The following PLPP2 variants were observed in gnomAD, a reference collection of about 807,000 sequenced individuals.
The protein encoded by PLPP2 is phospholipid phosphatase 2.
Under a neutral mutation model 35.2 loss-of-function variants are expected in PLPP2, and 29 were observed. That is an observed-to-expected ratio of 0.82 (90% CI 0.61 to 1.12). The LOEUF is 1.12. Among genes scored for constraint, PLPP2 ranks in the 50% most tolerant of loss-of-function variants. PLPP2 has a pLI of 0.00. For synonymous variants in PLPP2, 162 were observed against 167.0 expected (o/e 0.97, Z 0.23); for missense variants, 353 against 375.2 (o/e 0.94, Z 0.49).
At chr19:290,463 C>T (rs956389017) in intron 1 of PLPP2, among the ~76,000 whole-genome samples, 4 of 152,208 alleles carry the variant, frequency 2.6e-5, no homozygotes, top group Admixed American at 1.3e-4. Context: ...AAAAAAGGGT[C>T]TCCTTCCGGA....
At chr19:282,641 C>T in intron 4 of PLPP2, 111 bp downstream of exon 4, 3 of 1,172,790 alleles carry the variant, frequency 2.6e-6, no homozygotes, top group Non-Finnish European at 3.7e-6. Context: ...CAGTTAGCCC[C>T]CCTCACCACC....
chr19:283,860 ATC>A (rs1438808313), intron 3 of PLPP2: 2 of 152,178 alleles, frequency 1.3e-5, no homozygotes, highest in Non-Finnish European at 2.9e-5. Flanking sequence ...GTTTAAGGAA[ATC>A]TCTGTCCTAT....
Position 281,455 on chromosome 19 carries a change from A to G in PLPP2, c.800T>C (p.Leu267Pro). The G allele has an allele frequency of 1.3e-6, 2 of 1,562,160 alleles. No homozygotes were observed. Among genetic ancestry groups the G allele is most frequent in the African/African-American group, 1.4e-5 (1 of 72,928 alleles). The change falls in exon 6 of 6, where the codon CTG becomes CCG. Residue 267 changes from leucine (L) to proline (P), a missense_variant. Leu to Pro is a moderately conservative substitution (Grantham distance 98, BLOSUM62 -3). Coordinates refer to ENST00000434325, the MANE Select transcript of PLPP2 (RefSeq NM_003712.4). Reference protein sequence around the residue: ...KEEELERKPSLSLTLTLGEAD... With the variant: ...KEEELERKPSPSLTLTLGEAD... ...CTCGCCCAGGGTCAACGTCAGTGAC[A>G]GGCTGGGCTTCCGTTCCAGCTCCTC... is the stretch of plus-strand genomic sequence containing the variant.
intron 3 of PLPP2, chr19:283,138 C>T (rs974147982): frequency 2.2e-5 from 6 of 272,530 alleles, no homozygotes; most frequent in Non-Finnish European, 4.1e-5. Flanking sequence ...CTCCCATCTG[C>T]GGAACTGAGG....
At chr19:288,194 G>C in intron 1 of PLPP2, 23 bp from the exon 2 acceptor site, 1 of 1,551,516 alleles carries the variant, frequency 6.4e-7, no homozygotes, top group Non-Finnish European at 8.7e-7. Context: ...AAAAGCCTGG[G>C]AGCTGTGAGG....
In PLPP2 at chr19:287,196, T is replaced by C. The variant is rs1442369214; in HGVS notation, c.482+278A>G. 7.8e-6 allele frequency: 3 copies of C among 383,016 alleles called. No individual in the cohort carries two copies. The highest frequency in any genetic ancestry group is 9.4e-6 in the Non-Finnish European group (2 of 212,034). 23.7% of individuals were successfully genotyped at this position (383,016 alleles called of 1,614,324 possible). On this transcript the variant is annotated intron_variant, in intron 3 of 5. Coordinates refer to ENST00000434325, the MANE Select transcript of PLPP2 (RefSeq NM_003712.4). The surrounding 1 kb of genome is among the most constrained non-coding windows in gnomAD (Gnocchi z 4.3). ...AAAACTCATATATCTCATTCTATGA[T>C]GATGAAATGGTCAATCTTTCAAAAA...
intron 5 of PLPP2, chr19:281,863 G>T: frequency 2.0e-6 from 1 of 504,324 alleles, no homozygotes; most frequent in South Asian, 2.5e-5. Context: ...ACTGGGATTG[G>T]GGGGAAGGGG....
In PLPP2 at chr19:291,323, C is replaced by T; in HGVS notation, c.14G>A (p.Trp5Ter). The T allele has an allele frequency of 6.3e-7, 1 of 1,597,932 alleles. No homozygotes were observed. The highest frequency in any genetic ancestry group is 8.5e-7 in the Non-Finnish European group (1 of 1,173,774). Residue 5 changes from tryptophan (W) to a stop codon, truncating the protein, a stop_gained, in exon 1 of 6, where the codon TGG becomes TAG. Transcript: ENST00000434325. LOFTEE classifies it high-confidence loss of function. MQRR[W>*]VFVLLDVLCL... ...CAGCACGTCGAGCAGCACGAAGACCCACCTCCGCTGCATGGTCCCCGCGAC... is the reference window on the plus strand; with the variant it reads ...CAGCACGTCGAGCAGCACGAAGACCTACCTCCGCTGCATGGTCCCCGCGAC...
intron 1 of PLPP2, 48 bp from the exon 2 acceptor site, chr19:288,219 G>C: frequency 2.6e-6 from 4 of 1,532,534 alleles, no homozygotes; most frequent in Non-Finnish European, 3.5e-6. Context: ...CTCACCAGCT[G>C]GGCCTTGGGG....
rs747867943 is a variant in PLPP2 at position 282,807 on chromosome 19, AAC to A, written c.483_484del (p.Arg161SerfsTer56). The A allele has an allele frequency of 1.8e-5, 29 of 1,613,540 alleles. No individual in the cohort carries two copies. The highest frequency in any genetic ancestry group is 2.5e-5 in the Non-Finnish European group (29 of 1,179,714). ...GGAAGAGTGTCCCGAGTAGAAAGAC[AAC>A]CTGAGGAAGGAGAAGGGGCAGGTGG... On this transcript the variant is annotated frameshift_variant and splice_region_variant, in exon 4 of 6. Coordinates refer to ENST00000434325, the MANE Select transcript of PLPP2 (RefSeq NM_003712.4). LOFTEE classifies it high-confidence loss of function.
At position 287,956 on chromosome 19, in the gene PLPP2, C is replaced by A; in HGVS notation, c.204+64G>T. 6.6e-7 allele frequency: 1 copy of A among 1,520,690 alleles called. No individual in the cohort carries two copies. The highest frequency in any genetic ancestry group is 1.2e-5 in the South Asian group (1 of 85,646). The allele number at this position is 1,520,690 out of a possible 1,614,324, so 94.2% of individuals were successfully genotyped here. A position where few individuals can be genotyped will look rare whatever the true frequency, so the allele number is the denominator to read the frequency against. ...GGCTGTGCCACCCCCCCATCAGGCC[C>A]CCAGGGTAAAGCTGGCCCCACCCCA... On this transcript the variant is annotated intron_variant, in intron 2 of 5. Transcript: ENST00000434325. The surrounding 1 kb of genome is among the most constrained non-coding windows in gnomAD (Gnocchi z 4.3).
rs116026115 is a variant in PLPP2 at position 290,841 on chromosome 19, G to A, written c.52+444C>T. 3.6e-5 allele frequency: 34 copies of A among 935,620 alleles called. No homozygotes were observed. The African/African-American group carries it at 4.8e-4, about 13-fold the overall frequency. The allele number at this position is 935,620 out of a possible 1,614,324, so 58.0% of individuals were successfully genotyped here. A position where few individuals can be genotyped will look rare whatever the true frequency, so the allele number is the denominator to read the frequency against. ...CCGACGCACCGGGTGCCAGGACCGA[G>A]GGTCAGCCCTCTCCGCGCGCAGCGG... On this transcript the variant is annotated intron_variant, in intron 1 of 5. Coordinates refer to ENST00000434325, the MANE Select transcript of PLPP2 (RefSeq NM_003712.4).
intron 1 of PLPP2, chr19:291,009 C>G: frequency 7.8e-7 from 1 of 1,279,206 alleles, no homozygotes; most frequent in Non-Finnish European, 9.8e-7. Context: ...GCACAGACTT[C>G]CTGCTGCCGG....
chr19:284,903 G>A (rs1216283860), intron 3 of PLPP2: 4 of 152,190 alleles, frequency 2.6e-5, no homozygotes, highest in African/African-American at 9.7e-5. Flanking sequence ...GATCACAAAG[G>A]TCGGGAGTTC....
chr19:290,591 C>T (rs904119866), intron 1 of PLPP2, among the ~76,000 whole-genome samples: 1 of 152,364 alleles, frequency 6.6e-6, no homozygotes, highest in East Asian at 1.9e-4. Flanking sequence ...ACAGAGCAAA[C>T]ACTCGGCCTT....
At chr19:281,752 T>C (rs540114442) in intron 5 of PLPP2, among the ~76,000 whole-genome samples, 2 of 143,940 alleles carry the variant, frequency 1.4e-5, no homozygotes, top group East Asian at 4.1e-4. Context: ...AGAACTGCAG[T>C]AGGGCCAGGG....
intron 1 of PLPP2, 154 bp from the exon 2 acceptor site, chr19:288,325 C>A: frequency 4.5e-6 from 3 of 659,476 alleles, no homozygotes; most frequent in African/African-American, 2.2e-5. Flanking sequence ...CACTCCCTTT[C>A]GCATCCCCTC....
At position 287,373 on chromosome 19, in the gene PLPP2, G is replaced by A. The variant is rs780970698; in HGVS notation, c.482+101C>T. The A allele has an allele frequency of 5.2e-5, 76 of 1,453,264 alleles. 1 individual carries two copies. The highest frequency in any genetic ancestry group is 5.1e-4 in the South Asian group (38 of 74,016). The allele number at this position is 1,453,264 out of a possible 1,614,324, so 90.0% of individuals were successfully genotyped here. ...AAATTAGCCGGGCGTGGTGGCGCACGCCTGTAGTCTCAGCTGCCTGCTGGC... is the reference window on the plus strand; with the variant it reads ...AAATTAGCCGGGCGTGGTGGCGCACACCTGTAGTCTCAGCTGCCTGCTGGC... On this transcript the variant is annotated intron_variant, in intron 3 of 5. Coordinates refer to ENST00000434325, the MANE Select transcript of PLPP2 (RefSeq NM_003712.4). This position sits in a 1 kb window ranked among gnomAD's most constrained non-coding sequence, Gnocchi z 4.3.
At chr19:283,302 T>C (rs1003122974) in intron 3 of PLPP2, 1 of 156,996 alleles carries the variant, frequency 6.4e-6, no homozygotes, top group Non-Finnish European at 1.4e-5. Context: ...AGAAGACTTA[T>C]CAAGATAAAC....
Sources: allele counts gnomAD v4.1 joint callset (sites outside exome capture counted in the v4.1 genomes callset), GRCh38; gene constraint gnomAD v4.1.1; non-coding constraint Gnocchi (gnomAD v3.1); transcripts MANE v1.5; gene names NCBI Gene and HGNC (gene_info 2026-07-23, HGNC 2026-07-21).